The following RAPGEF2 variants were observed in gnomAD, a reference collection of about 807,000 sequenced individuals.
RAPGEF2 encodes Rap guanine nucleotide exchange factor 2, also known as PDZ domain containing guanine nucleotide exchange factor (GEF) 1.
Under a neutral mutation model 186.7 loss-of-function variants are expected in RAPGEF2, and 54 were observed. The ratio of observed to expected loss-of-function variants is 0.29; its 90% CI spans 0.23 to 0.36. RAPGEF2 has a LOEUF of 0.36. RAPGEF2 is among the 10% of genes least tolerant of loss of function. The pLI is 1.00. For synonymous variants in RAPGEF2, 712 were observed against 705.9 expected, an observed-to-expected ratio of 1.01 and a Z score of -0.14; for missense variants, 1,532 against 2,045.0, an observed-to-expected ratio of 0.75 and a Z score of 4.84.
intron 3 of RAPGEF2, among the ~76,000 whole-genome samples, chr4:159,202,157 C>T (rs763082617): frequency 2.0e-5 from 3 of 152,126 alleles, no homozygotes; most frequent in Non-Finnish European, 4.4e-5. Context: ...ACAAAGCAAT[C>T]GCCATCTTTT....
chr4:159,266,699 G>A (rs1221335829), intron 7 of RAPGEF2, among the ~76,000 whole-genome samples: 1 of 152,092 alleles, frequency 6.6e-6, no homozygotes, highest in Non-Finnish European at 1.5e-5. Flanking sequence ...TGTATACAAA[G>A]CTTGTCAAGT....
rs72699346 is a variant in RAPGEF2 at position 159,223,312 on chromosome 4, G to A, written c.281+12729G>A. 5.8e-3 allele frequency among the ~76,000 whole-genome samples: 878 copies of A among 152,032 alleles called. 4 individuals are homozygous for A. The highest frequency in any genetic ancestry group is 0.01 in the Middle Eastern group (3 of 292). On this transcript the variant is annotated intron_variant, in intron 4 of 29. Transcript: ENST00000691494. ...AGAGCTACACGAACATTAAATCACT[G>A]TTTTCTTAGTTATACTTCTATCTAC...
At chr4:159,123,440 C>T (rs923057764) in intron 1 of RAPGEF2, among the ~76,000 whole-genome samples, 2 of 151,596 alleles carry the variant, frequency 1.3e-5, no homozygotes, top group African/African-American at 4.9e-5. Context: ...TCACTGGCTT[C>T]TGGTTGGTTT....
chr4:159,208,813 A>G (rs1750214186), intron 3 of RAPGEF2, among the ~76,000 whole-genome samples: 1 of 152,224 alleles, frequency 6.6e-6, no homozygotes, highest in Non-Finnish European at 1.5e-5. Flanking sequence ...AACTGGGAGA[A>G]AAGATATTCA....
intron 7 of RAPGEF2, among the ~76,000 whole-genome samples, chr4:159,252,818 A>C (rs72699366): frequency 1.3e-5 from 2 of 152,226 alleles, no homozygotes; most frequent in Non-Finnish European, 2.9e-5. Flanking sequence ...TTCTAAAAAA[A>C]ATTTTTGGCT....
At chr4:159,326,028 T>A (rs1284680440) in intron 11 of RAPGEF2, among the ~76,000 whole-genome samples, 1 of 152,090 alleles carries the variant, frequency 6.6e-6, no homozygotes, top group Non-Finnish European at 1.5e-5. Context: ...TATCTTCCTT[T>A]CTGCTACACT....
At chr4:159,297,789 CAG>C (rs964832777) in intron 7 of RAPGEF2, among the ~76,000 whole-genome samples, 6 of 152,006 alleles carry the variant, frequency 3.9e-5, no homozygotes, top group Non-Finnish European at 7.4e-5. Context: ...GGAAAAATGA[CAG>C]AAGAAATGAG....
At chr4:159,264,818 G>A (rs1326544718) in intron 7 of RAPGEF2, among the ~76,000 whole-genome samples, 1 of 151,984 alleles carries the variant, frequency 6.6e-6, no homozygotes, top group Non-Finnish European at 1.5e-5. Flanking sequence ...TTGACTATTT[G>A]ACTACTCTGG....
intron 4 of RAPGEF2, among the ~76,000 whole-genome samples, chr4:159,237,854 A>G (rs1011198597): frequency 7.2e-6 from 1 of 138,310 alleles, no homozygotes; most frequent in South Asian, 2.2e-4. Context: ...AAAAAAAAAA[A>G]AAAAAAAAAA....
chr4:159,157,989 G>A (rs1269210229), intron 1 of RAPGEF2, among the ~76,000 whole-genome samples: 3 of 152,108 alleles, frequency 2.0e-5, no homozygotes, highest in African/African-American at 4.8e-5. Context: ...TGTCTATGGT[G>A]GGGCTAGCAG....
Position 159,346,773 on chromosome 4 carries a change from C to T in RAPGEF2, c.3503-16C>T. ...TAAAATTCTTTGTTCTATTTTCAAA[C>T]CCAAACAATTATCAGTGCCTAAGAA... On this transcript the variant is annotated splice_polypyrimidine_tract_variant and intron_variant, in intron 24 of 29. Transcript: ENST00000691494. 6.2e-7 allele frequency: 1 copy of T among 1,607,520 alleles called. No homozygotes were observed. Among genetic ancestry groups the T allele is most frequent in the South Asian group, 1.1e-5 (1 of 90,770 alleles).
chr4:159,255,501 T>G (rs1272101504), intron 7 of RAPGEF2, among the ~76,000 whole-genome samples: 4 of 152,126 alleles, frequency 2.6e-5, no homozygotes, highest in Non-Finnish European at 5.9e-5. Context: ...CATTCAAAAT[T>G]CTTTCGGTAA....
chr4:159,206,287 A>G (rs1749985426), intron 3 of RAPGEF2, among the ~76,000 whole-genome samples: 1 of 152,158 alleles, frequency 6.6e-6, no homozygotes, highest in South Asian at 2.1e-4. Context: ...TACCTCATGT[A>G]ATTTATTGGA....
rs1740978207 is a variant in RAPGEF2 at position 159,130,908 on chromosome 4, C to A, written c.69+26677C>A. Among the ~76,000 whole-genome samples, 4 of 152,250 alleles carry A rather than the reference C, an allele frequency of 2.6e-5. No individual in the cohort carries two copies. In the South Asian group the frequency reaches 8.3e-4, roughly 32 times the overall value. ...TATTTTTTGTAGAGACGGGGTTTCA[C>A]CATGTTGCCCAGGCTGGTCTCAAGC... On this transcript the variant is annotated intron_variant, in intron 1 of 29. Transcript: ENST00000691494.
chr4:159,317,082 T>C (rs1764694376), intron 9 of RAPGEF2, among the ~76,000 whole-genome samples: 1 of 152,118 alleles, frequency 6.6e-6, no homozygotes, highest in Admixed American at 6.6e-5. Context: ...AAGGATGGTG[T>C]GGAGTGGCTT....
intron 3 of RAPGEF2, among the ~76,000 whole-genome samples, chr4:159,202,976 A>G (rs2111348929): frequency 6.6e-6 from 1 of 152,276 alleles, no homozygotes; most frequent in South Asian, 2.1e-4. Context: ...ATGAAGTAGC[A>G]TTTTCACAGT....
intron 7 of RAPGEF2, among the ~76,000 whole-genome samples, chr4:159,260,305 G>A (rs1240729356): frequency 1.3e-5 from 2 of 151,374 alleles, no homozygotes; most frequent in South Asian, 4.2e-4. Flanking sequence ...TTTAAAGTAA[G>A]GGACATTTTA....
chr4:159,178,863 A>G (rs1746736979), intron 1 of RAPGEF2, among the ~76,000 whole-genome samples: 1 of 152,128 alleles, frequency 6.6e-6, no homozygotes, highest in African/African-American at 2.4e-5. Context: ...CTGACCTAGC[A>G]TGTATTATGT....
chr4:159,143,662 C>G lies in RAPGEF2; in HGVS notation c.69+39431C>G, dbSNP rs143229230. 2.7e-3 allele frequency among the ~76,000 whole-genome samples: 409 copies of G among 152,126 alleles called. 1 individual carries two copies. Among genetic ancestry groups the G allele is most frequent in the African/African-American group, 9.2e-3 (382 of 41,474 alleles). On this transcript the variant is annotated intron_variant, in intron 1 of 29. Coordinates refer to ENST00000691494, the MANE Select transcript of RAPGEF2 (RefSeq NM_001394067.2). The stretch of plus-strand genomic sequence containing the variant: ...ATACACTTAAGGCTCTGGGTAAGAG[C>G]TGGATCAAATGTTACATGGTTGCTT...
Sources: gnomAD v4.1 joint callset for allele counts (sites outside exome capture counted in the v4.1 genomes callset) on GRCh38, gnomAD v4.1.1 for gene constraint, MANE v1.5 for transcripts, NCBI Gene and HGNC (gene_info 2026-07-23, HGNC 2026-07-21) for gene names.